STK33: variants seen among roughly 807,000 people sequenced by gnomAD.
STK33 encodes serine/threonine kinase 33, also known as serine/threonine-protein kinase 33.
Under a neutral mutation model 58.0 loss-of-function variants are expected in STK33, and 52 were observed. The ratio of observed to expected loss-of-function variants is 0.90; its 90% CI spans 0.72 to 1.13. STK33 has a LOEUF of 1.13. Ranked by LOEUF, STK33 falls within the 50% of genes most tolerant of loss-of-function variation. The pLI, the probability that STK33 is intolerant of heterozygous loss-of-function variation, is 0.00. For missense variants in STK33, 630 were observed against 604.2 expected, an observed-to-expected ratio of 1.04 and a Z score of -0.45; for synonymous variants, 215 against 200.1, an observed-to-expected ratio of 1.07 and a Z score of -0.63.
At chr11:8,432,867 A>G (rs1230772945) in intron 14 of STK33, among the ~76,000 whole-genome samples, 1 of 152,238 alleles carries the variant, frequency 6.6e-6, no homozygotes, top group East Asian at 1.9e-4. Flanking sequence ...ATAGTATACA[A>G]TATCTGTCAC....
intron 1 of STK33, among the ~76,000 whole-genome samples, chr11:8,569,924 G>A (rs2141100405): frequency 6.6e-6 from 1 of 152,186 alleles, no homozygotes; most frequent in African/African-American, 2.4e-5. Context: ...ACTCCAGCCT[G>A]GGCAACAGAG....
chr11:8,481,710 G>A (rs1565151387), intron 1 of STK33, among the ~76,000 whole-genome samples: 1 of 152,088 alleles, frequency 6.6e-6, no homozygotes, highest in South Asian at 2.1e-4. Flanking sequence ...ACCTGATTCT[G>A]AAAGGCTTCC....
At chr11:8,488,602 A>G (rs766109197) in intron 1 of STK33, among the ~76,000 whole-genome samples, 3 of 152,120 alleles carry the variant, frequency 2.0e-5, no homozygotes, top group Non-Finnish European at 4.4e-5. Context: ...TTTTCCAATC[A>G]TTAGCTGACC....
At chr11:8,496,976 T>C (rs1233371005) in intron 1 of STK33, among the ~76,000 whole-genome samples, 1 of 152,186 alleles carries the variant, frequency 6.6e-6, no homozygotes, top group East Asian at 1.9e-4. Flanking sequence ...TTTATCTTCA[T>C]GTATGAATAG....
At chr11:8,426,120 C>G (rs1942707710) in intron 14 of STK33, among the ~76,000 whole-genome samples, 1 of 152,214 alleles carries the variant, frequency 6.6e-6, no homozygotes, top group South Asian at 2.1e-4. Context: ...AATCTGATCA[C>G]ACGCGGGCTT....
At chr11:8,573,623 T>C (rs947799245) in intron 1 of STK33, among the ~76,000 whole-genome samples, 1 of 152,216 alleles carries the variant, frequency 6.6e-6, no homozygotes, top group Non-Finnish European at 1.5e-5. Flanking sequence ...CACAGAAACT[T>C]GTACACAAAC....
At chr11:8,551,658 T>G (rs529161532) in intron 1 of STK33, among the ~76,000 whole-genome samples, 1 of 152,306 alleles carries the variant, frequency 6.6e-6, no homozygotes, top group East Asian at 1.9e-4. Context: ...ACTTAAACGC[T>G]GGCTTGTCAT....
chr11:8,510,466 T>C (rs1343396931), intron 1 of STK33, among the ~76,000 whole-genome samples: 4 of 152,266 alleles, frequency 2.6e-5, no homozygotes, highest in East Asian at 1.9e-4. Context: ...GTTTACTCTG[T>C]TGATTATTTT....
At chr11:8,350,883 G>A in the STK33 span, among the ~76,000 whole-genome samples, 7 of 152,248 alleles carry the variant, frequency 4.6e-5, no homozygotes, top group East Asian at 3.9e-4. Context: ...AAGCCCTTCC[G>A]CAGAGTCACC....
chr11:8,434,393 C>T (rs1018309167), intron 14 of STK33: 1 of 152,232 alleles, frequency 6.6e-6, no homozygotes, highest in African/African-American at 2.4e-5. Context: ...AGTAATATTC[C>T]CATATATCTC....
At chr11:8,449,863 C>T (rs1022012481) in intron 11 of STK33, among the ~76,000 whole-genome samples, 7 of 152,020 alleles carry the variant, frequency 4.6e-5, no homozygotes, top group African/African-American at 7.3e-5. Flanking sequence ...TACCATTTCA[C>T]GTCAGTGAGA....
At chr11:8,585,256 ACT>A (rs1376223861) in intron 1 of STK33, among the ~76,000 whole-genome samples, 6 of 70,988 alleles carry the variant, frequency 8.5e-5, no homozygotes, top group South Asian at 7.8e-4. Flanking sequence ...ACGGAGTCTC[ACT>A]CTGTCACCCA....
chr11:8,487,290 G>A (rs1176287204), intron 1 of STK33, among the ~76,000 whole-genome samples: 1 of 151,740 alleles, frequency 6.6e-6, no homozygotes, highest in African/African-American at 2.4e-5. Flanking sequence ...TAGGCGTGGT[G>A]ACACACCTGT....
chr11:8,375,705 G>A, the STK33 span, among the ~76,000 whole-genome samples: 369 of 152,164 alleles, frequency 2.4e-3, 2 homozygotes, highest in Middle Eastern at 0.02. Flanking sequence ...GAGTTCTTAC[G>A]AGATCTGATG....
At position 8,392,713 on chromosome 11, in the gene STK33, G is replaced by A. The variant is rs760434395; in HGVS notation, c.1345-3C>T. On this transcript the variant is annotated splice_polypyrimidine_tract_variant and splice_region_variant and intron_variant, in intron 15 of 15. Coordinates refer to ENST00000687296, the MANE Select transcript of STK33 (RefSeq NM_001352389.2). ...AATTGCTTTTCATAAGCAGTAGACT[G>A]CAAATAAAAGGTCTTGATTAATTTT... The A allele has an allele frequency of 1.9e-6, 3 of 1,613,958 alleles. No homozygotes were observed. The Admixed American group carries it at 5.0e-5, about 27-fold the overall frequency.
chr11:8,590,453 A>G (rs4418812), intron 1 of STK33, among the ~76,000 whole-genome samples: 70,363 of 152,044 alleles, frequency 0.46, 16,446 homozygotes, highest in Non-Finnish European at 0.5. Context: ...TTCCTAAGTG[A>G]ACTTATCTTT....
At chr11:8,521,899 G>A (rs1305846669) in intron 1 of STK33, among the ~76,000 whole-genome samples, 1 of 152,154 alleles carries the variant, frequency 6.6e-6, no homozygotes, top group Non-Finnish European at 1.5e-5. Context: ...CTGGCCATCA[G>A]AGAAATGCAA....
intron 2 of STK33, among the ~76,000 whole-genome samples, chr11:8,479,629 A>G (rs920187773): frequency 6.6e-6 from 1 of 151,974 alleles, no homozygotes; most frequent in African/African-American, 2.4e-5. Flanking sequence ...GATCACTTGC[A>G]GTCAGGAGTT....
At chr11:8,530,178 T>C (rs1954410238) in intron 1 of STK33, among the ~76,000 whole-genome samples, 2 of 152,240 alleles carry the variant, frequency 1.3e-5, no homozygotes, top group Non-Finnish European at 1.5e-5. Context: ...GCAAAATAAG[T>C]AATAAAAACC....
Sources: gnomAD v4.1 joint callset for allele counts (sites outside exome capture counted in the v4.1 genomes callset) on GRCh38, gnomAD v4.1.1 for gene constraint, MANE v1.5 for transcripts, NCBI Gene and HGNC (gene_info 2026-07-23, HGNC 2026-07-21) for gene names.